Variants in SH3PXD2A observed in about 807,000 individuals in gnomAD.
SH3PXD2A encodes the protein SH3 and PX domain-containing protein 2A.
Under a neutral mutation model 115.2 loss-of-function variants are expected in SH3PXD2A, and 32 were observed. The observed-to-expected ratio is 0.28, with a 90% CI of 0.21 to 0.37. The LOEUF (loss-of-function observed/expected upper bound fraction) is 0.37. Ranked by LOEUF, SH3PXD2A falls within the 10% of genes least tolerant of loss-of-function variation. The pLI, the probability that SH3PXD2A is intolerant of heterozygous loss-of-function variation, is 1.00. For missense variants in SH3PXD2A, 1,328 were observed against 1,498.7 expected (o/e 0.89, Z 1.88); for synonymous variants, 610 against 629.1 (o/e 0.97, Z 0.45).
rs543563057 is a variant in SH3PXD2A, at chr10:103,719,244, G to A, written c.398+5026C>T. Among the ~76,000 whole-genome samples the A allele has an allele frequency of 3.3e-5, 5 of 152,338 alleles. No homozygotes were observed. The East Asian group carries it at 9.6e-4, about 29-fold the overall frequency. ...CCCACCTACTCTGGCTGGGGTGGAGGTGGGGAGCGGGTGCTGACGAGGTTG... is the reference window on the plus strand; with the variant it reads ...CCCACCTACTCTGGCTGGGGTGGAGATGGGGAGCGGGTGCTGACGAGGTTG... On this transcript the variant is annotated intron_variant, in intron 5 of 14. Transcript: ENST00000369774.
At chr10:103,629,972 C>A (rs1331562524) in intron 8 of SH3PXD2A, among the ~76,000 whole-genome samples, 2 of 152,266 alleles carry the variant, frequency 1.3e-5, no homozygotes, top group Non-Finnish European at 2.9e-5. Flanking sequence ...TTCCCTCTGC[C>A]TGATTCAGGT....
intron 8 of SH3PXD2A, 61 bp downstream of exon 8, chr10:103,660,922 C>G: frequency 6.3e-7 from 1 of 1,589,910 alleles, no homozygotes; most frequent in South Asian, 1.1e-5. Flanking sequence ...GGAACAAAAA[C>G]CAGCTCGGCC....
intron 3 of SH3PXD2A, among the ~76,000 whole-genome samples, chr10:103,749,581 A>G (rs2038550104): frequency 6.6e-6 from 1 of 152,114 alleles, no homozygotes. Context: ...ATCCACTAAC[A>G]GTGTTTCATA....
chr10:103,845,403 T>C (rs868412717), intron 1 of SH3PXD2A, among the ~76,000 whole-genome samples: 6 of 145,420 alleles, frequency 4.1e-5, no homozygotes, highest in Admixed American at 1.4e-4. Flanking sequence ...AGAAGACGGC[T>C]AAAACCCACC....
intron 2 of SH3PXD2A, among the ~76,000 whole-genome samples, chr10:103,782,112 A>G (rs2038936590): frequency 6.6e-6 from 1 of 152,208 alleles, no homozygotes; most frequent in African/African-American, 2.4e-5. Context: ...CTAACAAGGG[A>G]AAGATCACAC....
intron 1 of SH3PXD2A, among the ~76,000 whole-genome samples, chr10:103,804,479 G>A (rs905139575): frequency 6.6e-6 from 1 of 151,562 alleles, no homozygotes; most frequent in Admixed American, 6.6e-5. Flanking sequence ...CCGCCACCAC[G>A]CCCGGCTAAT....
chr10:103,700,321 A>G (rs1011049243), intron 5 of SH3PXD2A, among the ~76,000 whole-genome samples: 12 of 152,252 alleles, frequency 7.9e-5, no homozygotes, highest in African/African-American at 2.4e-4. Flanking sequence ...CGTGGGGATT[A>G]CATGGGATAA....
chr10:103,638,621 T>C (rs1488155728), intron 8 of SH3PXD2A, among the ~76,000 whole-genome samples: 3 of 152,238 alleles, frequency 2.0e-5, no homozygotes, highest in East Asian at 3.8e-4. Context: ...ATTTGGGCAA[T>C]TGCCTCAATT....
At chr10:103,667,350 T>C (rs763322000) in intron 7 of SH3PXD2A, among the ~76,000 whole-genome samples, 41 of 152,150 alleles carry the variant, frequency 2.7e-4, no homozygotes, top group Non-Finnish European at 5.6e-4. Context: ...CAAAAGTCCC[T>C]CTAGCCCCTT....
chr10:103,708,602 C>T (rs768024907), intron 5 of SH3PXD2A, among the ~76,000 whole-genome samples: 10 of 152,202 alleles, frequency 6.6e-5, no homozygotes, highest in Non-Finnish European at 1.0e-4. Context: ...AGATGAAGCT[C>T]GTTGACACTG....
intron 2 of SH3PXD2A, among the ~76,000 whole-genome samples, chr10:103,791,866 T>C (rs929080690): frequency 1.3e-5 from 2 of 152,020 alleles, no homozygotes; most frequent in African/African-American, 4.8e-5. Context: ...AACCCCAGGA[T>C]TCAAACTCAA....
At chr10:103,682,305 A>G (rs2037620867) in intron 6 of SH3PXD2A, among the ~76,000 whole-genome samples, 1 of 152,230 alleles carries the variant, frequency 6.6e-6, no homozygotes, top group Non-Finnish European at 1.5e-5. Context: ...CACACACGTG[A>G]GCAGCACTCA....
intron 11 of SH3PXD2A, among the ~76,000 whole-genome samples, chr10:103,616,065 C>T (rs2036514304): frequency 6.6e-6 from 1 of 151,822 alleles, no homozygotes; most frequent in South Asian, 2.1e-4. Flanking sequence ...GGGTGTGGTG[C>T]GTGCCATGGA....
In SH3PXD2A at chr10:103,603,799, G is replaced by A. The variant is rs552048394; in HGVS notation, c.1429-10C>T. On this transcript the variant is annotated splice_polypyrimidine_tract_variant and intron_variant, in intron 14 of 14. Coordinates refer to ENST00000369774, the MANE Select transcript of SH3PXD2A (RefSeq NM_001394015.1). ...AGTTCTTATCAATGACCTGGGGTAC[G>A]AGTGCAGACAAGCCAGTGAGTTGGG... 77 of 1,583,480 alleles carry A rather than the reference G, an allele frequency of 4.9e-5. No homozygotes were observed. The highest frequency in any genetic ancestry group is 6.9e-5 in the South Asian group (6 of 87,572).
chr10:103,609,648 T>G (rs1045733800), intron 13 of SH3PXD2A: 2 of 152,200 alleles, frequency 1.3e-5, no homozygotes, highest in African/African-American at 2.4e-5. Context: ...GGAAACCAAA[T>G]GGACAACCCC....
At chr10:103,615,467 C>T (rs960809397) in intron 11 of SH3PXD2A, among the ~76,000 whole-genome samples, 7 of 129,092 alleles carry the variant, frequency 5.4e-5, no homozygotes, top group East Asian at 2.4e-4. Flanking sequence ...GGAAAGGGCG[C>T]GATGGAGAGT....
At chr10:103,751,551 C>T (rs771154743) in intron 3 of SH3PXD2A, among the ~76,000 whole-genome samples, 1 of 152,194 alleles carries the variant, frequency 6.6e-6, no homozygotes, top group Non-Finnish European at 1.5e-5. Flanking sequence ...GGCAATCTGG[C>T]CCTAGGTTCC....
chr10:103,607,506 C>G (rs1312836671), intron 13 of SH3PXD2A, among the ~76,000 whole-genome samples: 1 of 151,534 alleles, frequency 6.6e-6, no homozygotes, highest in Non-Finnish European at 1.5e-5. Flanking sequence ...GCCCGGCCAG[C>G]CGCCCCGTCC....
At chr10:103,712,805 G>T (rs1443491196) in intron 5 of SH3PXD2A, among the ~76,000 whole-genome samples, 6 of 152,202 alleles carry the variant, frequency 3.9e-5, no homozygotes, top group Admixed American at 3.9e-4. Context: ...GGAGCTAGTT[G>T]CCCCAGCCAA....
Sources: gnomAD v4.1 joint callset for allele counts (sites outside exome capture counted in the v4.1 genomes callset) on GRCh38, gnomAD v4.1.1 for gene constraint, MANE v1.5 for transcripts, NCBI Gene and HGNC (gene_info 2026-07-23, HGNC 2026-07-21) for gene names.